MYO5B: variants seen among roughly 807,000 people sequenced by gnomAD.
The protein encoded by MYO5B is unconventional myosin-Vb.
MYO5B carries 143 observed loss-of-function variants against 229.3 expected under a neutral mutation model. The ratio of observed to expected loss-of-function variants is 0.62; its 90% CI spans 0.54 to 0.72. The LOEUF is 0.72. Among genes scored for constraint, MYO5B ranks in the 30% least tolerant of loss-of-function variants. The pLI, the probability that MYO5B is intolerant of heterozygous loss-of-function variation, is 0.00. For missense variants in MYO5B, 2,321 were observed against 2,331.0 expected (o/e 1.00, Z 0.09); for synonymous variants, 918 against 885.2 (o/e 1.04, Z -0.66).
At chr18:50,093,057 A>ATTTTTT (rs2031480326) in intron 1 of MYO5B, among the ~76,000 whole-genome samples, 1 of 152,178 alleles carries the variant, frequency 6.6e-6, no homozygotes, top group Non-Finnish European at 1.5e-5. Flanking sequence ...GAAACTATGA[A>ATTTTTT]CAATTTGTAA....
At chr18:50,137,720 T>C (rs141811115) in intron 1 of MYO5B, among the ~76,000 whole-genome samples, 95 of 152,238 alleles carry the variant, frequency 6.2e-4, no homozygotes, top group African/African-American at 2.0e-3. Context: ...AGCAAAGACA[T>C]TGAATCAGCC....
intron 1 of MYO5B, among the ~76,000 whole-genome samples, chr18:50,137,796 C>A (rs1418785905): frequency 1.3e-5 from 2 of 152,154 alleles, no homozygotes; most frequent in African/African-American, 2.4e-5. Flanking sequence ...GAATACTATG[C>A]AGCTATGAAA....
At chr18:49,928,762 C>T (rs961323536) in intron 17 of MYO5B, among the ~76,000 whole-genome samples, 5 of 152,018 alleles carry the variant, frequency 3.3e-5, no homozygotes, top group African/African-American at 7.3e-5. Flanking sequence ...AAATGTGGTA[C>T]GTATATATGA....
At chr18:49,836,189 T>C (rs1219657849) in intron 38 of MYO5B, among the ~76,000 whole-genome samples, 2 of 152,204 alleles carry the variant, frequency 1.3e-5, no homozygotes, top group Non-Finnish European at 2.9e-5. Flanking sequence ...GGTTATACAT[T>C]TTTTAGGGAA....
chr18:50,099,514 A>C (rs1199135029), intron 1 of MYO5B, among the ~76,000 whole-genome samples: 4 of 152,192 alleles, frequency 2.6e-5, no homozygotes, highest in African/African-American at 9.7e-5. Context: ...CTTAGATGCA[A>C]AGCCAGCCAG....
intron 2 of MYO5B, among the ~76,000 whole-genome samples, chr18:50,046,396 A>C (rs943963669): frequency 1.1e-4 from 17 of 152,236 alleles, no homozygotes; most frequent in African/African-American, 4.1e-4. Context: ...CAAGTTCTGT[A>C]AGGCCTTGAG....
rs761025848 is a variant in MYO5B at position 50,040,189 on chromosome 18, A to G, written c.264T>C (p.Asn88=). 7 of 1,614,032 alleles carry G rather than the reference A, an allele frequency of 4.3e-6. No individual in the cohort carries two copies. The highest frequency in any genetic ancestry group is 5.1e-6 in the Non-Finnish European group (6 of 1,180,028). The change falls in exon 3 of 40, where the codon AAT becomes AAC. Residue 88 remains asparagine, a synonymous_variant. Transcript: ENST00000285039. ...SYLHEPAVLH[N]LKVRFLESNH... ...TGGACTCCAGGAAACGGACCTTCAA[A>G]TTATGCAAAACTGCAGGCTCATGAA...
intron 1 of MYO5B, among the ~76,000 whole-genome samples, chr18:50,178,113 C>T (rs2033022373): frequency 6.6e-6 from 1 of 152,126 alleles, no homozygotes; most frequent in African/African-American, 2.4e-5. Flanking sequence ...GTAATACTAC[C>T]CAACCCACCG....
intron 1 of MYO5B, among the ~76,000 whole-genome samples, chr18:50,142,735 G>C (rs1054005056): frequency 2.0e-5 from 3 of 152,218 alleles, no homozygotes; most frequent in African/African-American, 7.2e-5. Flanking sequence ...TACAGCCTAA[G>C]ATTATAATGG....
chr18:50,076,020 A>G (rs1599001595), intron 1 of MYO5B, among the ~76,000 whole-genome samples: 1 of 152,092 alleles, frequency 6.6e-6, no homozygotes. Context: ...CTCAAGGAAA[A>G]CCCCTGTTAA....
intron 1 of MYO5B, among the ~76,000 whole-genome samples, chr18:50,084,564 G>A (rs1265922198): frequency 1.3e-5 from 2 of 152,120 alleles, no homozygotes; most frequent in African/African-American, 4.8e-5. Flanking sequence ...TGATGGTAGT[G>A]ACAACAATTT....
At chr18:49,835,243 C>A in intron 39 of MYO5B, 101 bp downstream of exon 39, 1 of 836,178 alleles carries the variant, frequency 1.2e-6, no homozygotes, top group South Asian at 1.4e-5. Flanking sequence ...TATATGTAAC[C>A]AGTATTTTAG....
At chr18:50,076,222 C>T (rs1051532238) in intron 1 of MYO5B, among the ~76,000 whole-genome samples, 2 of 152,164 alleles carry the variant, frequency 1.3e-5, no homozygotes, top group Non-Finnish European at 2.9e-5. Flanking sequence ...TAAGGGAAAA[C>T]GCTCAGGAGG....
chr18:50,052,269 G>A (rs979659098), intron 2 of MYO5B, among the ~76,000 whole-genome samples: 16 of 151,836 alleles, frequency 1.1e-4, no homozygotes, highest in South Asian at 2.1e-4. Context: ...TGTTTACTGC[G>A]GCACTATTCA....
rs760548998 is a variant in MYO5B, at chr18:49,837,470, G to A, written c.5138+47C>T. The A allele has an allele frequency of 5.0e-5, 80 of 1,607,960 alleles. 1 individual carries two copies. The highest frequency in any genetic ancestry group is 1.5e-4 in the Admixed American group (9 of 59,992). ...TGTGTTCTGATTCTAGCTGCAGTCA[G>A]TGAGGGCCCACTCTATCTGTGTTGT... On this transcript the variant is annotated intron_variant, in intron 37 of 39. Transcript: ENST00000285039.
At chr18:49,949,175 A>T (rs1454785962) in intron 14 of MYO5B, among the ~76,000 whole-genome samples, 1 of 152,220 alleles carries the variant, frequency 6.6e-6, no homozygotes, top group Non-Finnish European at 1.5e-5. Flanking sequence ...ACATGCTGGC[A>T]CAAACACGTG....
chr18:49,898,230 T>A (rs2144136668), intron 21 of MYO5B, among the ~76,000 whole-genome samples: 1 of 152,336 alleles, frequency 6.6e-6, no homozygotes, highest in South Asian at 2.1e-4. Flanking sequence ...TGCATGACTG[T>A]ATATGACATA....
intron 14 of MYO5B, among the ~76,000 whole-genome samples, chr18:49,952,981 C>T (rs1191959256): frequency 6.6e-6 from 1 of 152,108 alleles, no homozygotes; most frequent in Non-Finnish European, 1.5e-5. Flanking sequence ...CTATCCCCTC[C>T]ATTAGCAGGC....
chr18:49,966,822 G>T (rs2025631138), intron 10 of MYO5B, among the ~76,000 whole-genome samples: 1 of 152,176 alleles, frequency 6.6e-6, no homozygotes, highest in Admixed American at 6.5e-5. Flanking sequence ...AAATGCCGGA[G>T]GCCCAGAAAT....
Sources: allele counts gnomAD v4.1 joint callset (sites outside exome capture counted in the v4.1 genomes callset), GRCh38; gene constraint gnomAD v4.1.1; transcripts MANE v1.5; gene names NCBI Gene and HGNC (gene_info 2026-07-23, HGNC 2026-07-21).